MAU2: variants seen among roughly 807,000 people sequenced by gnomAD.
MAU2 encodes MAU2 sister chromatid cohesion factor, also known as MAU2 chromatid cohesion factor homolog.
In MAU2, 9 loss-of-function variants were observed where a neutral mutation model predicts 89.1. That is an observed-to-expected ratio of 0.10 (90% CI 0.06 to 0.18). The LOEUF (loss-of-function observed/expected upper bound fraction) is 0.18. MAU2 is among the 10% of genes least tolerant of loss of function. MAU2 has a pLI of 1.00. For synonymous variants in MAU2, 357 were observed against 343.4 expected, an observed-to-expected ratio of 1.04 and a Z score of -0.44; for missense variants, 425 against 803.5, an observed-to-expected ratio of 0.53 and a Z score of 5.69.
intron 4 of MAU2, 125 bp downstream of exon 4, chr19:19,337,390 T>A: frequency 1.4e-6 from 1 of 723,388 alleles, no homozygotes; most frequent in Non-Finnish European, 2.4e-6. Flanking sequence ...GCACATGGAG[T>A]AGGTGGGGAC....
chr19:19,347,410 C>T, intron 13 of MAU2, 44 bp downstream of exon 13: 2 of 1,516,884 alleles, frequency 1.3e-6, no homozygotes, highest in Non-Finnish European at 1.8e-6. Flanking sequence ...TCTCTGTTCT[C>T]TTCTTTTTGG....
rs1185263772 is a variant in MAU2, at chr19:19,351,511, AC to A, written c.1548+2076del. ...ATAGTAGATCTGAGATCCCATCTCT[AC>A]AAAAACCAAACAAAAAAATTAGCTG... On this transcript the variant is annotated intron_variant, in intron 16 of 18. Transcript: ENST00000262815. 2.6e-5 allele frequency among the ~76,000 whole-genome samples: 4 copies of A among 151,920 alleles called. No individual in the cohort carries two copies. In the East Asian group the frequency reaches 7.8e-4, roughly 30 times the overall value.
chr19:19,334,152 G>A (rs548829108), intron 1 of MAU2: 13 of 984,954 alleles, frequency 1.3e-5, no homozygotes, highest in South Asian at 4.7e-5. Context: ...CATCACACAC[G>A]TTGCCACTGT....
At chr19:19,333,762 C>A (rs186594580) in intron 1 of MAU2, among the ~76,000 whole-genome samples, 53 of 152,338 alleles carry the variant, frequency 3.5e-4, no homozygotes, top group African/African-American at 1.2e-3. Flanking sequence ...CCTTGCTTAC[C>A]TCTGCTGGGA....
At chr19:19,342,319 C>G (rs1321738606) in intron 7 of MAU2, among the ~76,000 whole-genome samples, 3 of 152,232 alleles carry the variant, frequency 2.0e-5, no homozygotes, top group Non-Finnish European at 4.4e-5. Context: ...GTGGACAAGC[C>G]TCAGTCCCAC....
Position 19,321,019 on chromosome 19 carries a change from G to A in MAU2, c.160G>A (p.Val54Met). 1 of 1,612,070 alleles carries A rather than the reference G, an allele frequency of 6.2e-7. No homozygotes were observed. Among genetic ancestry groups the A allele is most frequent in the South Asian group, 1.1e-5 (1 of 90,600 alleles). The stretch of plus-strand genomic sequence containing the variant: ...CCTGTGCGTGCACTGCCTGCAGGCC[G>A]TGTTCCCCTTCAAGCCGCCGCAGCG... Reference protein sequence around the residue: ...IRLCVHCLQAVFPFKPPQRIE... With the variant: ...IRLCVHCLQAMFPFKPPQRIE... The change falls in exon 1 of 19, where the codon GTG becomes ATG. Residue 54 changes from valine (V) to methionine (M), a missense_variant. By Grantham distance (21) the Val-to-Met change is conservative (BLOSUM62 1). Transcript: ENST00000262815.
At chr19:19,347,239 C>T (rs1369038216) in intron 12 of MAU2, 41 bp from the exon 13 acceptor site, 1 of 1,346,578 alleles carries the variant, frequency 7.4e-7, no homozygotes, top group Non-Finnish European at 1.1e-6. Flanking sequence ...TGGGTCACAG[C>T]ACCCGACCCA....
At position 19,355,616 on chromosome 19, in the gene MAU2, G is replaced by A. The variant is rs566759629; in HGVS notation, c.1768-92G>A. 4.7e-6 allele frequency: 6 copies of A among 1,288,182 alleles called. No homozygotes were observed. In the African/African-American group the frequency reaches 7.3e-5, roughly 16 times the overall value. 79.8% of individuals were successfully genotyped at this position (1,288,182 alleles called of 1,614,324 possible). A position where few individuals can be genotyped will look rare whatever the true frequency, so the allele number is the denominator to read the frequency against. On this transcript the variant is annotated intron_variant, in intron 18 of 18. Coordinates refer to ENST00000262815, the MANE Select transcript of MAU2 (RefSeq NM_015329.4). ...GGGCATGGAGAACAGAGTCCCGGCTGTGTGAGCAGCCCAAGGAAGGCAGCA... is the reference window on the plus strand; with the variant it reads ...GGGCATGGAGAACAGAGTCCCGGCTATGTGAGCAGCCCAAGGAAGGCAGCA...
chr19:19,338,186 G>A (rs1434733319), intron 4 of MAU2, among the ~76,000 whole-genome samples: 2 of 152,202 alleles, frequency 1.3e-5, no homozygotes, highest in Non-Finnish European at 2.9e-5. Context: ...AGGAGTTCCC[G>A]AGGCCCTCCT....
chr19:19,335,700 G>T lies in MAU2; in HGVS notation c.277-18G>T. On this transcript the variant is annotated intron_variant, in intron 1 of 18. Coordinates refer to ENST00000262815, the MANE Select transcript of MAU2 (RefSeq NM_015329.4). ...GGTGTTTGCCTGAGAATTAATCGTT[G>T]TTTTCTTTCTTTTTCAGTGGTTGAT... 1 of 1,614,084 alleles carries T rather than the reference G, an allele frequency of 6.2e-7. No homozygotes were observed.
rs2061693298 is a variant in MAU2 at position 19,346,427 on chromosome 19, T to C, written c.1222-853T>C. On this transcript the variant is annotated intron_variant, in intron 12 of 18. Transcript: ENST00000262815. ...CTCACCCCGAGGCCAAAAGAGAGCC[T>C]CTTTTTCATGGCCCACCCAGGAGTG... 2.0e-5 allele frequency among the ~76,000 whole-genome samples: 3 copies of C among 152,148 alleles called. No homozygotes were observed. In the South Asian group the frequency reaches 6.2e-4, roughly 31 times the overall value.
At chr19:19,325,306 G>A (rs2061495556) in intron 1 of MAU2, among the ~76,000 whole-genome samples, 1 of 151,978 alleles carries the variant, frequency 6.6e-6, no homozygotes, top group Admixed American at 6.6e-5. Context: ...CTCCCAAGCA[G>A]CTGGGATTAC....
At chr19:19,350,719 T>C (rs2061736780) in intron 16 of MAU2, among the ~76,000 whole-genome samples, 1 of 151,278 alleles carries the variant, frequency 6.6e-6, no homozygotes. Flanking sequence ...GCTAACACGG[T>C]GAAACCCCGT....
At chr19:19,344,256 A>G in intron 10 of MAU2, 1 of 321,656 alleles carries the variant, frequency 3.1e-6, no homozygotes, top group Non-Finnish European at 6.0e-6. Flanking sequence ...TACTAAAAAT[A>G]TAAAAATTAG....
chr19:19,338,769 C>T, intron 4 of MAU2, 76 bp from the exon 5 acceptor site: 5 of 1,120,232 alleles, frequency 4.5e-6, no homozygotes, highest in Non-Finnish European at 6.5e-6. Context: ...GTTGAGTTTG[C>T]TAACAGAGCA....
At position 19,345,074 on chromosome 19, in the gene MAU2, CTTCCCA is replaced by C; in HGVS notation, c.1155+149_1155+154del. The C allele has an allele frequency of 1.3e-6, 1 of 796,536 alleles. No homozygotes were observed. Among genetic ancestry groups the C allele is most frequent in the Non-Finnish European group, 2.1e-6 (1 of 484,682 alleles). The allele number at this position is 796,536 out of a possible 1,614,324, so 49.3% of individuals were successfully genotyped here. ...ATGTTCCCATAGGTAATCATATAAC[CTTCCCA>C]GGCACGATCCGGAATGCTCCCAGTG... On this transcript the variant is annotated intron_variant, in intron 11 of 18. Coordinates refer to ENST00000262815, the MANE Select transcript of MAU2 (RefSeq NM_015329.4). The surrounding 1 kb of genome is among the most constrained non-coding windows in gnomAD (Gnocchi z 4.9).
intron 1 of MAU2, 130 bp from the exon 2 acceptor site, chr19:19,335,588 C>A: frequency 2.3e-6 from 2 of 875,338 alleles, no homozygotes; most frequent in Non-Finnish European, 3.8e-6. Flanking sequence ...GCCAAGCGGG[C>A]CGCCTTCTTG....
At chr19:19,334,964 T>C (rs901152965) in intron 1 of MAU2, among the ~76,000 whole-genome samples, 10 of 152,224 alleles carry the variant, frequency 6.6e-5, no homozygotes, top group African/African-American at 2.4e-4. Flanking sequence ...GTGTGGCACA[T>C]GCGAGTCGCT....
intron 10 of MAU2, chr19:19,344,370 C>T (rs956657650): frequency 4.2e-6 from 1 of 235,602 alleles, no homozygotes; most frequent in Non-Finnish European, 8.5e-6. Flanking sequence ...CGAGATCGCA[C>T]TACTGCACTC....
Sources: allele counts gnomAD v4.1 joint callset (sites outside exome capture counted in the v4.1 genomes callset), GRCh38; gene constraint gnomAD v4.1.1; non-coding constraint Gnocchi (gnomAD v3.1); transcripts MANE v1.5; gene names NCBI Gene and HGNC (gene_info 2026-07-23, HGNC 2026-07-21).